PDXDC1: variants seen among roughly 807,000 people sequenced by gnomAD.
PDXDC1 encodes the protein pyridoxal-dependent decarboxylase domain-containing protein 1.
PDXDC1 carries 42 observed loss-of-function variants against 100.1 expected under a neutral mutation model. The observed-to-expected ratio is 0.42, with a 90% CI of 0.33 to 0.54. PDXDC1 has a LOEUF of 0.54. Ranked by LOEUF, PDXDC1 falls within the 20% of genes least tolerant of loss-of-function variation. PDXDC1 has a pLI of 0.10. For missense variants in PDXDC1, 636 were observed against 979.2 expected, an observed-to-expected ratio of 0.65 and a Z score of 4.68; for synonymous variants, 260 against 371.7, an observed-to-expected ratio of 0.70 and a Z score of 3.46.
chr16:15,139,980 C>A (rs1179086692), downstream of PDXDC1, among the ~76,000 whole-genome samples: 3 of 150,930 alleles, frequency 2.0e-5, no homozygotes, highest in African/African-American at 7.3e-5. Flanking sequence ...CCTGTTAGTG[C>A]CAGCCACTCT....
At chr16:15,131,315 C>G (rs1210336414) in intron 16 of PDXDC1, 3 of 1,565,928 alleles carry the variant, frequency 1.9e-6, no homozygotes, top group African/African-American at 1.3e-5. Context: ...GTCTGGAACG[C>G]CATCGAGGCC....
At chr16:15,038,692 A>AAT (rs1433014537), downstream of PDXDC1, 2 of 1,474,602 alleles carry the variant, frequency 1.4e-6, no homozygotes. Context: ...AATCATCTAA[A>AAT]AAAGAACGTG....
rs2043495320 is a variant in PDXDC1, at chr16:15,037,035, C to T, written c.*760C>T. 6.6e-6 allele frequency: 1 copy of T among 152,206 alleles called. No homozygotes were observed. The highest frequency in any genetic ancestry group is 2.4e-5 in the African/African-American group (1 of 41,440). 9.4% of individuals were successfully genotyped at this position (152,206 alleles called of 1,614,324 possible). ...CTCATTTCTGTTTAGTATCTGAAAA[C>T]CTGATAGATGCTACCCTTAAGAGCT... On this transcript the variant is annotated 3_prime_UTR_variant, in exon 23 of 23. Coordinates refer to ENST00000396410, the MANE Select transcript of PDXDC1 (RefSeq NM_015027.4).
chr16:15,037,188 C>CAGCAG lies in PDXDC1; in HGVS notation c.*918_*922dup, dbSNP rs1567743530. On this transcript the variant is annotated 3_prime_UTR_variant, in exon 23 of 23. Coordinates refer to ENST00000396410, the MANE Select transcript of PDXDC1 (RefSeq NM_015027.4). The stretch of plus-strand genomic sequence containing the variant: ...CTGGGCCCAACTCAGAAACAGGAGC[C>CAGCAG]AGCAGAGCACTCTCTCACGCTGATC... The CAGCAG allele has an allele frequency of 1.3e-5, 2 of 152,362 alleles. No individual in the cohort carries two copies. The highest frequency in any genetic ancestry group is 3.9e-4 in the East Asian group (2 of 5,180). The allele number at this position is 152,362 out of a possible 1,614,324, so 9.4% of individuals were successfully genotyped here. A position where few individuals can be genotyped will look rare whatever the true frequency, so the allele number is the denominator to read the frequency against.
chr16:14,999,830 C>G (rs1284873714), intron 3 of PDXDC1, among the ~76,000 whole-genome samples: 4 of 152,330 alleles, frequency 2.6e-5, no homozygotes, highest in African/African-American at 2.4e-5. Flanking sequence ...GATTAGTATC[C>G]CAGCCCAGCT....
the PDXDC1 span, among the ~76,000 whole-genome samples, chr16:15,147,713 G>C: frequency 2.0e-5 from 3 of 152,206 alleles, no homozygotes; most frequent in East Asian, 1.9e-4. Context: ...TTTTGAGACA[G>C]AGTCTCGCTC....
intron 16 of PDXDC1, chr16:15,080,140 A>G: frequency 6.4e-7 from 1 of 1,552,934 alleles, no homozygotes; most frequent in Non-Finnish European, 8.7e-7. Flanking sequence ...CAGAGAATAA[A>G]CGTTTCACAG....
chr16:15,089,571 CG>C (rs1021938513), intron 16 of PDXDC1, among the ~76,000 whole-genome samples: 1 of 151,940 alleles, frequency 6.6e-6, no homozygotes, highest in Admixed American at 6.6e-5. Flanking sequence ...GAGGCCAAGG[CG>C]GGCGGATCAC....
downstream of PDXDC1, among the ~76,000 whole-genome samples, chr16:15,141,010 G>C (rs1319903528): frequency 6.6e-6 from 1 of 151,718 alleles, no homozygotes; most frequent in Non-Finnish European, 1.5e-5. Context: ...GCCCAAGCCG[G>C]GGTGGCCTCC....
At chr16:15,132,931 C>T in intron 16 of PDXDC1, 1 of 1,580,764 alleles carries the variant, frequency 6.3e-7, no homozygotes, top group Non-Finnish European at 8.6e-7. Flanking sequence ...GGCAGGAGGC[C>T]AGCAGATGCC....
At chr16:15,149,174 C>T in the PDXDC1 span, among the ~76,000 whole-genome samples, 3 of 152,172 alleles carry the variant, frequency 2.0e-5, no homozygotes, top group African/African-American at 7.2e-5. Context: ...CCCCGAGTCA[C>T]CTTGCCCCTT....
In PDXDC1 at chr16:15,136,021, T is replaced by C. The variant is rs2048333350; in HGVS notation, c.1400-2858T>C. The C allele has an allele frequency of 2.6e-6, 4 of 1,541,638 alleles. No homozygotes were observed. The East Asian group carries it at 6.9e-5, about 27-fold the overall frequency. On this transcript the variant is annotated intron_variant, in intron 16 of 16. Transcript: ENST00000535621. ...GTGCTCGGCTGTGGCTGGGTGTGGC[T>C]CCCCGGGCAGCCAGTTCTGGCAGCT...
intron 1 of PDXDC1, among the ~76,000 whole-genome samples, chr16:14,979,184 A>C (rs1319374874): frequency 1.3e-5 from 2 of 152,294 alleles, no homozygotes; most frequent in African/African-American, 2.4e-5. Context: ...GCCACATTTC[A>C]AGTGCTCAGC....
chr16:15,087,791 T>A (rs1326780239), intron 16 of PDXDC1, among the ~76,000 whole-genome samples: 2 of 152,150 alleles, frequency 1.3e-5, no homozygotes, highest in Non-Finnish European at 2.9e-5. Context: ...AACAAAACTA[T>A]AAGGATAACA....
intron 6 of PDXDC1, 106 bp downstream of exon 6, chr16:15,006,689 G>C: frequency 8.9e-7 from 1 of 1,129,784 alleles, no homozygotes; most frequent in Non-Finnish European, 1.2e-6. Context: ...TGAGTGAAAA[G>C]AAAGATGGTC....
At chr16:15,144,556 G>T in the PDXDC1 span, among the ~76,000 whole-genome samples, 4 of 152,202 alleles carry the variant, frequency 2.6e-5, no homozygotes, top group East Asian at 7.7e-4. Flanking sequence ...AGCCCTGCAC[G>T]AGGTTCTCTG....
the PDXDC1 span, among the ~76,000 whole-genome samples, chr16:15,146,322 G>A: frequency 1.3e-5 from 2 of 152,268 alleles, no homozygotes; most frequent in Admixed American, 6.5e-5. Context: ...CAGCGACAGC[G>A]CACACCGCCA....
intron 16 of PDXDC1, chr16:15,085,565 G>T: frequency 6.3e-7 from 1 of 1,578,216 alleles, no homozygotes; most frequent in South Asian, 1.1e-5. Flanking sequence ...TGATCCTCCC[G>T]TCTTGGCTTC....
intron 16 of PDXDC1, chr16:15,125,950 C>G (rs2047694931): frequency 3.3e-6 from 2 of 614,840 alleles, no homozygotes; most frequent in Admixed American, 2.6e-5. Flanking sequence ...GGGACATCTG[C>G]ACCGTCCGTG....
Sources: gnomAD v4.1 joint callset for allele counts (sites outside exome capture counted in the v4.1 genomes callset) on GRCh38, gnomAD v4.1.1 for gene constraint, MANE v1.5 for transcripts, NCBI Gene and HGNC (gene_info 2026-07-23, HGNC 2026-07-21) for gene names.